The following FHL1 variants were observed in gnomAD, a reference collection of about 807,000 sequenced individuals.
The protein encoded by FHL1 is four and a half LIM domains 1.
FHL1 carries 1 observed loss-of-function variant against 20.3 expected under a neutral mutation model. That is an observed-to-expected ratio of 0.05 (90% CI 0.02 to 0.23). The LOEUF (loss-of-function observed/expected upper bound fraction) is 0.23. Ranked by LOEUF, FHL1 falls within the 10% of genes least tolerant of loss-of-function variation. The pLI is 1.00. For synonymous variants in FHL1, 82 were observed against 88.9 expected (o/e 0.92, Z 0.44); for missense variants, 177 against 234.0 (o/e 0.76, Z 1.59).
At chrX:136,189,689 A>C (rs112296678) in intron 2 of FHL1, among the ~76,000 whole-genome samples, 12 of 111,967 alleles carry the variant, frequency 1.1e-4, no homozygotes. Context: ...CCCATTTTAC[A>C]GATGGGCAAA....
At chrX:136,189,714 A>C (rs914532176) in intron 2 of FHL1, among the ~76,000 whole-genome samples, 2 of 111,919 alleles carry the variant, frequency 1.8e-5, no homozygotes, top group Non-Finnish European at 3.8e-5. Flanking sequence ...GTCACAGAGA[A>C]GTTAAGTGAA....
chrX:136,176,929 G>A (rs1339479869), intron 2 of FHL1, among the ~76,000 whole-genome samples: 2 of 107,444 alleles, frequency 1.9e-5, no homozygotes, highest in African/African-American at 6.7e-5. Flanking sequence ...TCGAAAAGTG[G>A]AATCTCTAGT....
Position 136,210,718 on chromosome X carries a change from C to T in FHL1, c.*693C>T, listed in dbSNP as rs1368222680. On this transcript the variant is annotated 3_prime_UTR_variant, in exon 6 of 6. Coordinates refer to ENST00000370683, the MANE Select transcript of FHL1 (RefSeq NM_001159699.2). ...AGGTGATTTGGGAAGTGTAGAAAGA[C>T]CTGAGAAAACGAGCCTGTTTCAGAG... The T allele has an allele frequency of 2.6e-6, 1 of 388,890 alleles. No individual in the cohort carries two copies. Among genetic ancestry groups the T allele is most frequent in the African/African-American group, 2.4e-5 (1 of 41,179 alleles). 32.0% of individuals were successfully genotyped at this position (388,890 alleles called of 1,213,427 possible).
intron 2 of FHL1, among the ~76,000 whole-genome samples, chrX:136,170,568 C>A (rs924987867): frequency 1.8e-5 from 2 of 111,387 alleles, no homozygotes; most frequent in East Asian, 5.6e-4. Context: ...ACTGGATAAG[C>A]GTTCTCTGTC....
intron 1 of FHL1, among the ~76,000 whole-genome samples, chrX:136,200,247 G>A (rs2073673891): frequency 8.9e-6 from 1 of 112,138 alleles, no homozygotes; most frequent in Admixed American, 9.4e-5. Context: ...CTTTAATTTA[G>A]TTAATTTTTA....
chrX:136,149,545 A>G (rs1267228541), intron 1 of FHL1, among the ~76,000 whole-genome samples: 1 of 112,291 alleles, frequency 8.9e-6, no homozygotes, highest in Non-Finnish European at 1.9e-5. Flanking sequence ...ATAAGTACAT[A>G]GTCTAAGACT....
intron 2 of FHL1, among the ~76,000 whole-genome samples, chrX:136,190,327 C>T (rs1327543837): frequency 8.9e-6 from 1 of 111,952 alleles, no homozygotes; most frequent in African/African-American, 3.3e-5. Flanking sequence ...ACTCTTGTTC[C>T]TTAAGTGTCA....
chrX:136,209,543 C>A, intron 5 of FHL1: 2 of 861,850 alleles, frequency 2.3e-6, no homozygotes, highest in South Asian at 2.4e-5. Flanking sequence ...GCTGGGAGGT[C>A]GGTGCGCGTC....
At chrX:136,185,944 C>T (rs1404336713) in intron 2 of FHL1, among the ~76,000 whole-genome samples, 2 of 111,853 alleles carry the variant, frequency 1.8e-5, no homozygotes, top group African/African-American at 6.5e-5. Context: ...GTGCCCAGCT[C>T]GGCTTGCTCC....
chrX:136,153,079 C>T (rs1368922072), intron 1 of FHL1, among the ~76,000 whole-genome samples: 1 of 111,960 alleles, frequency 8.9e-6, no homozygotes, highest in Non-Finnish European at 1.9e-5. Flanking sequence ...ACAATTTAAA[C>T]ATTTGTGCTT....
At chrX:136,206,325 T>C (rs1241894668) in intron 1 of FHL1, 82 bp from the exon 2 acceptor site, 2 of 1,134,512 alleles carry the variant, frequency 1.8e-6, no homozygotes, top group South Asian at 1.8e-5. Flanking sequence ...AAGGCAGCAT[T>C]GTGCAGGTGC....
intron 2 of FHL1, among the ~76,000 whole-genome samples, chrX:136,177,882 AACAGATGCT>A (rs2073046758): frequency 8.9e-6 from 1 of 112,484 alleles, no homozygotes; most frequent in Admixed American, 9.4e-5. Flanking sequence ...AGAAGCCAAC[AACAGATGCT>A]CACTTGTAAG....
At chrX:136,170,645 T>C (rs2072839919) in intron 2 of FHL1, among the ~76,000 whole-genome samples, 1 of 111,101 alleles carries the variant, frequency 9.0e-6, no homozygotes, top group African/African-American at 3.3e-5. Flanking sequence ...ATTTTCTCTT[T>C]GAGAGAGGGA....
intron 1 of FHL1, among the ~76,000 whole-genome samples, chrX:136,198,072 G>A (rs2073607815): frequency 9.2e-6 from 1 of 108,371 alleles, no homozygotes; most frequent in Non-Finnish European, 1.9e-5. Context: ...TTTTAAATAT[G>A]CTGCAATGGA....
rs1198462028 is a variant in FHL1, at chrX:136,177,028, A to ACACACACACACACACG, written c.-27+7063_-27+7064insGCACACACACACACAC. 3.2e-3 allele frequency among the ~76,000 whole-genome samples: 343 copies of ACACACACACACACACG among 107,643 alleles called. 2 individuals are homozygous for ACACACACACACACACG. The highest frequency in any genetic ancestry group is 0.029 in the South Asian group (70 of 2,431). 93.5% of individuals were successfully genotyped at this position (107,643 alleles called of 115,157 possible). ...CATGTAGAAATACACACACACACAC[A>ACACACACACACACACG]CACACACACACACACACATAATGTC... On this transcript the variant is annotated intron_variant, in intron 2 of 6. Coordinates refer to the FHL1 transcript ENST00000394153.
At chrX:136,209,770 G>C in intron 5 of FHL1, 101 bp from the exon 6 acceptor site, 1 of 975,750 alleles carries the variant, frequency 1.0e-6, no homozygotes, top group Non-Finnish European at 1.4e-6. Context: ...TCTGTGAGTG[G>C]GGCAGGTCGT....
rs1424862708 is a variant in FHL1 at position 136,184,000 on chromosome X, A to G, written c.-27+14020A>G. On this transcript the variant is annotated intron_variant, in intron 2 of 6. Transcript: ENST00000394153. ...GGTGGTATGGAAGTTCAAATTATAT[A>G]GAAAGTATTTGTATGCTGAATGATA... Among the ~76,000 whole-genome samples the G allele has an allele frequency of 2.7e-5, 3 of 112,273 alleles. No individual in the cohort carries two copies. The East Asian group carries it at 8.3e-4, about 31-fold the overall frequency.
intron 2 of FHL1, among the ~76,000 whole-genome samples, chrX:136,170,862 T>C (rs1001558452): frequency 9.0e-6 from 1 of 111,496 alleles, no homozygotes; most frequent in Non-Finnish European, 1.9e-5. Flanking sequence ...TGCCCACCCC[T>C]GCATGCAGCC....
chrX:136,207,251 G>A, intron 3 of FHL1, 61 bp downstream of exon 3: 1 of 1,111,725 alleles, frequency 9.0e-7, no homozygotes, highest in Non-Finnish European at 1.2e-6. Context: ...GACGTGATGT[G>A]GGCTTGCTTA....
Sources: gnomAD v4.1 joint callset for allele counts (sites outside exome capture counted in the v4.1 genomes callset) on GRCh38, gnomAD v4.1.1 for gene constraint, MANE v1.5 for transcripts, NCBI Gene and HGNC (gene_info 2026-07-23, HGNC 2026-07-21) for gene names.